Variants in SAMD12 observed in about 807,000 individuals in gnomAD.
SAMD12 encodes sterile alpha motif domain containing 12.
A neutral mutation model predicts 15.0 loss-of-function variants in SAMD12; 9 were observed. The ratio of observed to expected loss-of-function variants is 0.60; its 90% CI spans 0.36 to 1.05. The LOEUF (loss-of-function observed/expected upper bound fraction) is 1.05, where lower values mean the gene tolerates loss of function less well. Among genes scored for constraint, SAMD12 ranks in the 50% least tolerant of loss-of-function variants. The pLI is 0.01. For missense variants in SAMD12, 230 were observed against 234.2 expected (o/e 0.98, Z 0.12); for synonymous variants, 86 against 90.1 (o/e 0.96, Z 0.25).
chr8:118,163,236 T>C, the SAMD12 span, among the ~76,000 whole-genome samples: 8 of 152,030 alleles, frequency 5.3e-5, no homozygotes, highest in Non-Finnish European at 1.2e-4. Flanking sequence ...CACACCACCA[T>C]ACCTGGCTAA....
exon 5 of SAMD12, chr8:118,195,106 C>G (rs4515585): frequency 0.11 from 17,268 of 152,152 alleles, 2,020 homozygotes; most frequent in African/African-American, 0.29. Context: ...CACAGCGTTC[C>G]TTTGACTTAA....
intron 3 of SAMD12, chr8:118,394,919 T>G (rs1472792238): frequency 6.6e-6 from 1 of 152,220 alleles, no homozygotes; most frequent in African/African-American, 2.4e-5. Context: ...GATGGACAAA[T>G]GGCTTTACGA....
At chr8:118,292,291 GA>G (rs1814420955) in intron 4 of SAMD12, among the ~76,000 whole-genome samples, 1 of 140,924 alleles carries the variant, frequency 7.1e-6, no homozygotes, top group African/African-American at 2.7e-5. Context: ...AATAACCTAT[GA>G]AAAAATAAAC....
intron 4 of SAMD12, among the ~76,000 whole-genome samples, chr8:118,277,542 G>T (rs1813503891): frequency 7.0e-6 from 1 of 143,862 alleles, no homozygotes. Flanking sequence ...CTGGGACAAA[G>T]AGGAAAAAGT....
the SAMD12 span, among the ~76,000 whole-genome samples, chr8:118,176,452 G>A: frequency 7.9e-3 from 1,199 of 152,184 alleles, 7 homozygotes; most frequent in Non-Finnish European, 0.011. Context: ...AGAAAATGTG[G>A]TACATATATA....
At chr8:118,292,125 T>C (rs1477918362) in intron 4 of SAMD12, among the ~76,000 whole-genome samples, 2 of 150,996 alleles carry the variant, frequency 1.3e-5, no homozygotes, top group Non-Finnish European at 2.9e-5. Context: ...CAATGGACTT[T>C]GGGAACTTGC....
chr8:118,587,836 C>T (rs1827490506), intron 1 of SAMD12, among the ~76,000 whole-genome samples: 1 of 152,176 alleles, frequency 6.6e-6, no homozygotes, highest in African/African-American at 2.4e-5. Flanking sequence ...GTCGTGTCTT[C>T]TACAACTTTC....
intron 4 of SAMD12, among the ~76,000 whole-genome samples, chr8:118,242,185 A>T (rs1317960309): frequency 6.6e-6 from 1 of 152,192 alleles, no homozygotes; most frequent in Non-Finnish European, 1.5e-5. Context: ...AAAGTTCTGG[A>T]ATTACAGGCT....
chr8:118,189,845 C>T lies in SAMD12; in HGVS notation c.*7865G>A, dbSNP rs562802476. The T allele has an allele frequency of 1.6e-4, 23 of 148,130 alleles. No individual in the cohort carries two copies. In the South Asian group the frequency reaches 4.9e-3, roughly 32 times the overall value. 9.2% of individuals were successfully genotyped at this position (148,130 alleles called of 1,614,324 possible). A position where few individuals can be genotyped will look rare whatever the true frequency, so the allele number is the denominator to read the frequency against. ...ATCTTATGCCCTGGAAGCCAGGAAA[C>T]TAAAGTGGATATCCAACAGAAAAGG... is the stretch of plus-strand genomic sequence containing the variant. On this transcript the variant is annotated 3_prime_UTR_variant, in exon 5 of 5. Coordinates refer to the SAMD12 transcript ENST00000409003.
rs17507634 is a variant in SAMD12 at position 118,224,815 on chromosome 8, C to T, written c.434-27083G>A. Among the ~76,000 whole-genome samples, 674 of 152,270 alleles carry T rather than the reference C, an allele frequency of 4.4e-3. 3 individuals carry two copies. The highest frequency in any genetic ancestry group is 0.015 in the African/African-American group (633 of 41,550). ...TTTCTGTTTCATGCCAGGAACAGAGCGCTTCTGGCAGAGGTGTGAATTTCA... is the reference window on the plus strand; with the variant it reads ...TTTCTGTTTCATGCCAGGAACAGAGTGCTTCTGGCAGAGGTGTGAATTTCA... On this transcript the variant is annotated intron_variant, in intron 4 of 4. Coordinates refer to the SAMD12 transcript ENST00000409003.
At chr8:118,443,225 A>C (rs978971915) in intron 2 of SAMD12, among the ~76,000 whole-genome samples, 1 of 152,196 alleles carries the variant, frequency 6.6e-6, no homozygotes. Context: ...GCACTTTGGG[A>C]GGCTGAGGCA....
intron 4 of SAMD12, among the ~76,000 whole-genome samples, chr8:118,234,761 A>G (rs1191939022): frequency 6.6e-6 from 1 of 151,730 alleles, no homozygotes; most frequent in African/African-American, 2.4e-5. Flanking sequence ...AATAAATAAT[A>G]CAAATTATAT....
chr8:118,590,946 T>C (rs1232130112), intron 1 of SAMD12, among the ~76,000 whole-genome samples: 1 of 151,910 alleles, frequency 6.6e-6, no homozygotes, highest in East Asian at 1.9e-4. Context: ...ATATAAGACA[T>C]GAAGAATAAC....
intron 4 of SAMD12, among the ~76,000 whole-genome samples, chr8:118,215,105 C>T (rs1402685094): frequency 6.6e-6 from 1 of 152,156 alleles, no homozygotes; most frequent in Non-Finnish European, 1.5e-5. Flanking sequence ...GGACAAATCC[C>T]TCTATTTGAA....
intron 4 of SAMD12, among the ~76,000 whole-genome samples, chr8:118,342,445 A>G (rs1817422279): frequency 6.6e-6 from 1 of 152,184 alleles, no homozygotes; most frequent in Non-Finnish European, 1.5e-5. Context: ...ACATAACTCT[A>G]TCATGCCCAC....
intron 2 of SAMD12, among the ~76,000 whole-genome samples, chr8:118,505,155 A>G (rs1040222138): frequency 3.3e-5 from 5 of 152,182 alleles, no homozygotes; most frequent in African/African-American, 9.7e-5. Flanking sequence ...CTTCTTCTGT[A>G]TCTGGCACTA....
At chr8:118,367,568 C>A (rs1219177699) in intron 4 of SAMD12, among the ~76,000 whole-genome samples, 1 of 152,178 alleles carries the variant, frequency 6.6e-6, no homozygotes, top group Non-Finnish European at 1.5e-5. Flanking sequence ...ATTGTCCAAA[C>A]AAGAGATATC....
At chr8:118,566,659 A>G (rs147578720) in intron 2 of SAMD12, among the ~76,000 whole-genome samples, 79 of 152,318 alleles carry the variant, frequency 5.2e-4, no homozygotes, top group African/African-American at 1.8e-3. Flanking sequence ...AACTGCCCAT[A>G]GAAGCTTAGA....
the SAMD12 span, among the ~76,000 whole-genome samples, chr8:118,133,908 C>A: frequency 6.6e-6 from 1 of 152,136 alleles, no homozygotes; most frequent in Non-Finnish European, 1.5e-5. Flanking sequence ...GTAATTAATA[C>A]TATAGTCCTG....
Sources: allele counts gnomAD v4.1 joint callset (sites outside exome capture counted in the v4.1 genomes callset), GRCh38; gene constraint gnomAD v4.1.1; transcripts MANE v1.5; gene names NCBI Gene and HGNC (gene_info 2026-07-23, HGNC 2026-07-21).